Variants in ATP9A observed in about 807,000 individuals in gnomAD.
The protein encoded by ATP9A is ATPase phospholipid transporting 9A.
In ATP9A, 52 loss-of-function variants were observed where a neutral mutation model predicts 144.1. The observed-to-expected ratio is 0.36, with a 90% CI of 0.29 to 0.45. ATP9A has a LOEUF of 0.45. Among genes scored for constraint, ATP9A ranks in the 20% least tolerant of loss-of-function variants. The pLI is 1.00. For missense variants in ATP9A, 947 were observed against 1,392.7 expected (o/e 0.68, Z 5.09); for synonymous variants, 582 against 557.4 (o/e 1.04, Z -0.62).
intron 23 of ATP9A, among the ~76,000 whole-genome samples, 157 bp downstream of exon 23, chr20:51,613,520 C>A (rs1032498928): frequency 6.6e-6 from 1 of 152,136 alleles, no homozygotes; most frequent in Admixed American, 6.5e-5. Context: ...TTTAAACTGG[C>A]GAGGTAGGGG....
At chr20:51,687,564 G>C (rs1015725897) in intron 9 of ATP9A, among the ~76,000 whole-genome samples, 2 of 152,230 alleles carry the variant, frequency 1.3e-5, no homozygotes, top group East Asian at 1.9e-4. Context: ...GAGAGTTTGA[G>C]ACCAGCCTGG....
intron 14 of ATP9A, among the ~76,000 whole-genome samples, chr20:51,640,131 C>A (rs138389938): frequency 6.6e-6 from 1 of 151,974 alleles, no homozygotes; most frequent in Non-Finnish European, 1.5e-5. Flanking sequence ...GAGCAATTGG[C>A]ACAATTACGG....
intron 9 of ATP9A, among the ~76,000 whole-genome samples, chr20:51,681,308 C>T (rs1043922618): frequency 6.6e-6 from 1 of 152,200 alleles, no homozygotes; most frequent in Non-Finnish European, 1.5e-5. Context: ...TCCAACATTG[C>T]TCCTTCCACC....
chr20:51,683,821 C>T (rs903238149), intron 9 of ATP9A, among the ~76,000 whole-genome samples: 7 of 152,136 alleles, frequency 4.6e-5, no homozygotes, highest in Non-Finnish European at 8.8e-5. Context: ...AGGTAATATT[C>T]CCTTGCCTGT....
At chr20:51,674,975 C>A (rs1399262372) in intron 10 of ATP9A, among the ~76,000 whole-genome samples, 1 of 152,148 alleles carries the variant, frequency 6.6e-6, no homozygotes, top group African/African-American at 2.4e-5. Flanking sequence ...CCACACCCAG[C>A]TAATTTTTGT....
chr20:51,736,607 T>C lies in ATP9A; in HGVS notation c.69-6629A>G, dbSNP rs112313352. Among the ~76,000 whole-genome samples, 1,091 of 152,150 alleles carry C rather than the reference T, an allele frequency of 7.2e-3. 8 individuals carry two copies. The highest frequency in any genetic ancestry group is 0.024 in the African/African-American group (1,014 of 41,504). ...GGGCTCAAGCTATCCTCCTGACTCT[T>C]GCTTCCCTGAGAGCTGGGATTACAG... On this transcript the variant is annotated intron_variant, in intron 1 of 27. Coordinates refer to ENST00000338821, the MANE Select transcript of ATP9A (RefSeq NM_006045.3).
chr20:51,629,164 T>C, intron 15 of ATP9A, 92 bp from the exon 16 acceptor site: 1 of 987,692 alleles, frequency 1.0e-6, no homozygotes, highest in Non-Finnish European at 1.5e-6. Flanking sequence ...GTGTACAAAG[T>C]GCACTTAACA....
intron 22 of ATP9A, among the ~76,000 whole-genome samples, chr20:51,615,524 TAC>T (rs1235917240): frequency 1.3e-5 from 2 of 152,194 alleles, no homozygotes; most frequent in Non-Finnish European, 2.9e-5. Context: ...AGCAAATATA[TAC>T]ACACTCATAA....
rs767322084 is a variant in ATP9A at position 51,657,167 on chromosome 20, T to G, written c.1294-17A>C. 7 of 1,599,718 alleles carry G rather than the reference T, an allele frequency of 4.4e-6. No homozygotes were observed. The highest frequency in any genetic ancestry group is 6.0e-6 in the Non-Finnish European group (7 of 1,167,838). On this transcript the variant is annotated splice_polypyrimidine_tract_variant and intron_variant, in intron 13 of 27. Coordinates refer to ENST00000338821, the MANE Select transcript of ATP9A (RefSeq NM_006045.3). ...CTGGGATTGCTACAGGAAGGAGAAATGAACAAGGAAGATGACCAGAGGCAG... is the reference window on the plus strand; with the variant it reads ...CTGGGATTGCTACAGGAAGGAGAAAGGAACAAGGAAGATGACCAGAGGCAG...
intron 23 of ATP9A, among the ~76,000 whole-genome samples, chr20:51,612,503 C>A (rs983937549): frequency 9.9e-5 from 15 of 152,222 alleles, no homozygotes; most frequent in Non-Finnish European, 2.1e-4. Flanking sequence ...CAGCTCACTG[C>A]AACCTCCACT....
Position 51,676,917 on chromosome 20 carries a change from CTTTTTTTTTTTTT to C in ATP9A, c.800-722_800-710del, listed in dbSNP as rs34062000. ...AGGCATGAGCCACCACGCCCAGTCT[CTTTTTTTTTTTTT>C]TTTTTTTTTTTTTTTGAGAGAGGGT... On this transcript the variant is annotated intron_variant, in intron 9 of 27. Transcript: ENST00000338821. Among the ~76,000 whole-genome samples, 5 of 68,426 alleles carry C rather than the reference CTTTTTTTTTTTTT, an allele frequency of 7.3e-5. No homozygotes were observed. In the South Asian group the frequency reaches 1.8e-3, roughly 25 times the overall value. 44.9% of individuals were successfully genotyped at this position (68,426 alleles called of 152,430 possible).
chr20:51,648,986 A>G (rs1307007382), intron 14 of ATP9A, among the ~76,000 whole-genome samples: 5 of 152,154 alleles, frequency 3.3e-5, no homozygotes, highest in Non-Finnish European at 7.3e-5. Context: ...CAAGATACTC[A>G]GAAGGTAGGC....
At chr20:51,757,747 A>C (rs992255526) in intron 1 of ATP9A, among the ~76,000 whole-genome samples, 1 of 152,152 alleles carries the variant, frequency 6.6e-6, no homozygotes, top group Non-Finnish European at 1.5e-5. Flanking sequence ...TCTATAAAAA[A>C]ATACAAAAAT....
chr20:51,634,795 CAG>C (rs996352496), intron 15 of ATP9A, among the ~76,000 whole-genome samples: 2 of 140,468 alleles, frequency 1.4e-5, no homozygotes, highest in African/African-American at 5.3e-5. Context: ...GCGAAGGTTG[CAG>C]TGAGCTGAGA....
chr20:51,671,893 G>A (rs1171365044), intron 11 of ATP9A, among the ~76,000 whole-genome samples: 1 of 152,040 alleles, frequency 6.6e-6, no homozygotes, highest in African/African-American at 2.4e-5. Flanking sequence ...TTGCCTCCCG[G>A]GTTCAAACGA....
chr20:51,666,197 G>C (rs895672009), intron 13 of ATP9A, among the ~76,000 whole-genome samples: 1 of 152,078 alleles, frequency 6.6e-6, no homozygotes, highest in Non-Finnish European at 1.5e-5. Flanking sequence ...ACTCTTCCTT[G>C]GAGTCCACAG....
At chr20:51,613,282 C>T (rs190955691) in intron 23 of ATP9A, among the ~76,000 whole-genome samples, 17 of 152,264 alleles carry the variant, frequency 1.1e-4, no homozygotes, top group African/African-American at 3.6e-4. Flanking sequence ...TTTAACTCTG[C>T]GTCTTTCACT....
chr20:51,721,568 G>A (rs1347801513), intron 3 of ATP9A, among the ~76,000 whole-genome samples: 1 of 152,152 alleles, frequency 6.6e-6, no homozygotes, highest in Non-Finnish European at 1.5e-5. Flanking sequence ...GGGAGGCCAA[G>A]GTGGGTGGAT....
intron 7 of ATP9A, among the ~76,000 whole-genome samples, chr20:51,692,192 G>A (rs1229547642): frequency 1.3e-5 from 2 of 152,178 alleles, no homozygotes; most frequent in Non-Finnish European, 2.9e-5. Flanking sequence ...GCATGACAAC[G>A]TCAATGTACT....
Sources: gnomAD v4.1 joint callset for allele counts (sites outside exome capture counted in the v4.1 genomes callset) on GRCh38, gnomAD v4.1.1 for gene constraint, MANE v1.5 for transcripts, NCBI Gene and HGNC (gene_info 2026-07-23, HGNC 2026-07-21) for gene names.